The following LAMP1 variants were observed in gnomAD, a reference collection of about 807,000 sequenced individuals.
The protein encoded by LAMP1 is lysosome-associated membrane glycoprotein 1.
A neutral mutation model predicts 37.5 loss-of-function variants in LAMP1; 7 were observed. The observed-to-expected ratio is 0.19, with a 90% CI of 0.11 to 0.35. The LOEUF is 0.35. Ranked by LOEUF, LAMP1 falls within the 10% of genes least tolerant of loss-of-function variation. LAMP1 has a pLI of 1.00. For synonymous variants in LAMP1, 236 were observed against 229.1 expected (o/e 1.03, Z -0.27); for missense variants, 537 against 552.8 (o/e 0.97, Z 0.29).
At chr13:113,312,010 A>C (rs2042633117) in intron 4 of LAMP1, among the ~76,000 whole-genome samples, 2 of 152,148 alleles carry the variant, frequency 1.3e-5, no homozygotes, top group South Asian at 4.1e-4. Context: ...GGCTGCTAGA[A>C]ATATATGGAG....
Position 113,309,656 on chromosome 13 carries a change from A to T in LAMP1, c.197A>T (p.Asp66Val), listed in dbSNP as rs1190217306. ...TKSGPKNMTF[D>V]LPSDATVVLN... ...TGTTTATTCTAGAACATGACCTTTGACCTGCCATCAGATGCCACAGTGGTG... is the reference window on the plus strand; with the variant it reads ...TGTTTATTCTAGAACATGACCTTTGTCCTGCCATCAGATGCCACAGTGGTG... The change falls in exon 3 of 9, where the codon GAC becomes GTC. Residue 66 changes from aspartate (D) to valine (V), a missense_variant. Physicochemically the swap from Asp to Val is radical, Grantham distance 152. Coordinates refer to ENST00000332556, the MANE Select transcript of LAMP1 (RefSeq NM_005561.4). The T allele has an allele frequency of 1.6e-5, 26 of 1,613,034 alleles. No individual in the cohort carries two copies. The highest frequency in any genetic ancestry group is 2.1e-5 in the Non-Finnish European group (25 of 1,179,274).
intron 4 of LAMP1, among the ~76,000 whole-genome samples, chr13:113,317,207 A>G (rs1472950445): frequency 1.3e-5 from 2 of 151,888 alleles, no homozygotes; most frequent in African/African-American, 4.8e-5. Context: ...GTGACAGTGG[A>G]CCCTCAGGTC....
At chr13:113,301,737 C>T (rs1024286748) in intron 1 of LAMP1, among the ~76,000 whole-genome samples, 3 of 145,870 alleles carry the variant, frequency 2.1e-5, no homozygotes, top group African/African-American at 7.6e-5. Context: ...GGTTGTGATT[C>T]AGTGCCTGGG....
At position 113,322,980 on chromosome 13, in the gene LAMP1, C is replaced by G. The variant is rs970264141; in HGVS notation, c.*559C>G. On this transcript the variant is annotated 3_prime_UTR_variant, in exon 9 of 9. Coordinates refer to ENST00000332556, the MANE Select transcript of LAMP1 (RefSeq NM_005561.4). ...AGATTTAAGCCTTACAAAGGGAAAG[C>G]CTCTGGCCGTCACACGTAGGACGCA... 6.5e-6 allele frequency: 1 copy of G among 154,098 alleles called. No homozygotes were observed. Among genetic ancestry groups the G allele is most frequent in the African/African-American group, 2.4e-5 (1 of 41,440 alleles). 9.5% of individuals were successfully genotyped at this position (154,098 alleles called of 1,614,324 possible).
intron 1 of LAMP1, chr13:113,306,051 T>G: frequency 6.4e-6 from 1 of 156,262 alleles, no homozygotes; most frequent in Non-Finnish European, 1.4e-5. Context: ...GTCTGGTTGT[T>G]CATTGAATTT....
chr13:113,306,500 C>A lies in LAMP1; in HGVS notation c.77C>A (p.Ala26Glu). The change falls in exon 2 of 9, where the codon GCG becomes GAG. Residue 26 changes from alanine (A) to glutamate (E), a missense_variant. Physicochemically the swap from Ala to Glu is moderately radical, Grantham distance 107. Transcript: ENST00000332556. ...LLLLLGLMHC[A>E]SAAMFMVKNG... ...GAATTGACAGGCCTCATGCATTGTG[C>A]GTCAGCAGCAATGTTTATGGTGAAA... The A allele has an allele frequency of 1.2e-6, 2 of 1,613,840 alleles. No homozygotes were observed. Among genetic ancestry groups the A allele is most frequent in the Non-Finnish European group, 1.7e-6 (2 of 1,179,832 alleles).
At chr13:113,314,855 C>T (rs1258906053) in intron 4 of LAMP1, among the ~76,000 whole-genome samples, 1 of 118,682 alleles carries the variant, frequency 8.4e-6, no homozygotes, top group Non-Finnish European at 1.7e-5. Context: ...CTGGAGGCAG[C>T]CAGTGTGGAG....
chr13:113,322,268 G>A lies in LAMP1; in HGVS notation c.1115-14G>A, dbSNP rs200892530. 5.9e-5 allele frequency: 95 copies of A among 1,605,152 alleles called. No individual in the cohort carries two copies. The Middle Eastern group carries it at 6.1e-4, about 10-fold the overall frequency. On this transcript the variant is annotated splice_polypyrimidine_tract_variant and intron_variant, in intron 8 of 8. Coordinates refer to ENST00000332556, the MANE Select transcript of LAMP1 (RefSeq NM_005561.4). The stretch of plus-strand genomic sequence containing the variant: ...TGTGAGCAGAGCCCTGACACCATCC[G>A]TCTGTCTTGGCAGTGGAGGAGTGTC...
Position 113,319,451 on chromosome 13 carries a change from C to T in LAMP1, c.563-18C>T, listed in dbSNP as rs987126755. The T allele has an allele frequency of 1.9e-6, 3 of 1,584,850 alleles. No individual in the cohort carries two copies. The highest frequency in any genetic ancestry group is 2.3e-5 in the South Asian group (2 of 87,718). Reference sequence around the variant, plus strand: ...TATGAGAAACCCAGACCTGAATCTCCCTCCACTGCACCTGCAGAGACACGC... The same window carrying T: ...TATGAGAAACCCAGACCTGAATCTCTCTCCACTGCACCTGCAGAGACACGC... On this transcript the variant is annotated intron_variant, in intron 4 of 8. Transcript: ENST00000332556.
chr13:113,309,752 A>G lies in LAMP1; in HGVS notation c.293A>G (p.His98Arg). ...CTCGTGATTGCTTTTGGAAGAGGAC[A>G]TACACTCACTCTCAATTTCACGAGA... The part of the protein sequence containing the change: ...PSLVIAFGRG[H>R]TLTLNFTRNA... Residue 98 changes from histidine (H) to arginine (R), a missense_variant, in exon 3 of 9, where the codon CAT becomes CGT. Physicochemically the swap from His to Arg is conservative, Grantham distance 29. Transcript: ENST00000332556. 1 of 1,614,102 alleles carries G rather than the reference A, an allele frequency of 6.2e-7. No homozygotes were observed. The highest frequency in any genetic ancestry group is 8.5e-7 in the Non-Finnish European group (1 of 1,179,964).
intron 4 of LAMP1, among the ~76,000 whole-genome samples, chr13:113,317,905 G>A (rs1311605751): frequency 6.6e-6 from 1 of 152,180 alleles, no homozygotes; most frequent in Admixed American, 6.5e-5. Context: ...GCCCAGGCTG[G>A]CCTTGAACTC....
At chr13:113,312,697 C>T (rs2042636860) in intron 4 of LAMP1, among the ~76,000 whole-genome samples, 1 of 152,220 alleles carries the variant, frequency 6.6e-6, no homozygotes, top group Non-Finnish European at 1.5e-5. Flanking sequence ...AGCCTCTGTT[C>T]ACACGGAGCC....
At position 113,322,783 on chromosome 13, in the gene LAMP1, GCTTT is replaced by G. The variant is rs1196320486; in HGVS notation, c.*365_*368del. On this transcript the variant is annotated 3_prime_UTR_variant, in exon 9 of 9. Transcript: ENST00000332556. Reference sequence around the variant, plus strand: ...CTCTCTCTGAGGGGGTGGGGGTGCCGCTTTCTCTGAGGGGGTGGGGGTGCCGCTC... The same window carrying G: ...CTCTCTCTGAGGGGGTGGGGGTGCCGCTCTGAGGGGGTGGGGGTGCCGCTC... 2 of 44,238 alleles carry G rather than the reference GCTTT, an allele frequency of 4.5e-5. No individual in the cohort carries two copies. The highest frequency in any genetic ancestry group is 2.3e-4 in the African/African-American group (2 of 8,588). 2.7% of individuals were successfully genotyped at this position (44,238 alleles called of 1,614,324 possible).
At chr13:113,318,158 T>A (rs938278626) in intron 4 of LAMP1, among the ~76,000 whole-genome samples, 31 of 152,376 alleles carry the variant, frequency 2.0e-4, no homozygotes, top group African/African-American at 7.0e-4. Flanking sequence ...TTGTGCTCTG[T>A]CCAGAAGGGG....
chr13:113,306,366 A>AT, intron 1 of LAMP1, 119 bp from the exon 2 acceptor site: 5 of 1,213,206 alleles, frequency 4.1e-6, no homozygotes, highest in Non-Finnish European at 5.7e-6. Context: ...AAAAAAAAAA[A>AT]GAGAAACAGT....
intron 2 of LAMP1, among the ~76,000 whole-genome samples, chr13:113,307,745 A>G (rs967466131): frequency 1.3e-5 from 2 of 151,652 alleles, no homozygotes; most frequent in South Asian, 2.1e-4. Flanking sequence ...GCCTTTTGGA[A>G]TAACAAAATA....
chr13:113,312,740 G>A (rs2042637128), intron 4 of LAMP1, among the ~76,000 whole-genome samples: 1 of 152,192 alleles, frequency 6.6e-6, no homozygotes, highest in African/African-American at 2.4e-5. Context: ...GGAAGAGCGG[G>A]CTAGAGTCCT....
intron 4 of LAMP1, among the ~76,000 whole-genome samples, chr13:113,314,357 G>A (rs1214635308): frequency 4.7e-5 from 6 of 126,404 alleles, no homozygotes; most frequent in East Asian, 5.4e-4. Context: ...TGCCTGGGGC[G>A]GGGCCTCCTG....
rs912325056 is a variant in LAMP1 at position 113,320,690 on chromosome 13, C to T, written c.876+220C>T. 6 of 555,108 alleles carry T rather than the reference C, an allele frequency of 1.1e-5. No homozygotes were observed. In the African/African-American group the frequency reaches 1.1e-4, roughly 10 times the overall value. The allele number at this position is 555,108 out of a possible 1,614,324, so 34.4% of individuals were successfully genotyped here. On this transcript the variant is annotated intron_variant, in intron 6 of 8. Coordinates refer to ENST00000332556, the MANE Select transcript of LAMP1 (RefSeq NM_005561.4). This position sits in a 1 kb window ranked among gnomAD's most constrained non-coding sequence, Gnocchi z 4.4. ...GATGTGGGCGGGGCTGCTGTGCCCA[C>T]AGTTGGAGTGGCTGCAGGGGAGGGC...
Sources: gnomAD v4.1 joint callset for allele counts (sites outside exome capture counted in the v4.1 genomes callset) on GRCh38, gnomAD v4.1.1 for gene constraint, Gnocchi (gnomAD v3.1) non-coding constraint, MANE v1.5 for transcripts, NCBI Gene and HGNC (gene_info 2026-07-23, HGNC 2026-07-21) for gene names.